The following SCML4 variants were observed in gnomAD, a reference collection of about 807,000 sequenced individuals.
SCML4 encodes the protein Scm polycomb group protein like 4, also known as sex comb on midleg-like protein 4.
SCML4 carries 34 observed loss-of-function variants against 41.1 expected under a neutral mutation model. The observed-to-expected ratio is 0.83, with a 90% CI of 0.63 to 1.10. SCML4 has a LOEUF of 1.10. Ranked by LOEUF, SCML4 falls within the 50% of genes least tolerant of loss-of-function variation. The pLI is 0.00. For missense variants in SCML4, 522 were observed against 534.1 expected, an observed-to-expected ratio of 0.98 and a Z score of 0.22; for synonymous variants, 214 against 220.9, an observed-to-expected ratio of 0.97 and a Z score of 0.28.
intron 1 of SCML4, among the ~76,000 whole-genome samples, chr6:107,775,782 T>C (rs1246270647): frequency 6.6e-6 from 1 of 152,184 alleles, no homozygotes; most frequent in Non-Finnish European, 1.5e-5. Context: ...GTTATTAAAA[T>C]GTGCTATAAA....
intron 1 of SCML4, among the ~76,000 whole-genome samples, chr6:107,781,222 A>C (rs1389571199): frequency 6.6e-6 from 1 of 152,188 alleles, no homozygotes; most frequent in African/African-American, 2.4e-5. Flanking sequence ...CAAAAATTAG[A>C]AACAAACCCA....
At position 107,809,788 on chromosome 6, in the gene SCML4, A is replaced by G. The variant is rs6932989; in HGVS notation, c.-60+14338T>C. On this transcript the variant is annotated intron_variant, in intron 1 of 7. Coordinates refer to ENST00000369020, the MANE Select transcript of SCML4 (RefSeq NM_198081.5). ...TAAAACAGTTGAAATTCAAAACCAG[A>G]ACGCAGGTAGCCTAGTCGAGGAAGC... Among the ~76,000 whole-genome samples the G allele has an allele frequency of 6.1e-3, 930 of 152,180 alleles. 7 individuals carry two copies. The highest frequency in any genetic ancestry group is 0.025 in the East Asian group (130 of 5,166).
intron 5 of SCML4, among the ~76,000 whole-genome samples, chr6:107,739,391 C>T (rs1350929393): frequency 6.6e-6 from 1 of 152,028 alleles, no homozygotes; most frequent in Non-Finnish European, 1.5e-5. Context: ...CTACCAAAAA[C>T]ATCCCAGTTC....
At chr6:107,729,829 G>T (rs921127155) in intron 5 of SCML4, among the ~76,000 whole-genome samples, 1 of 152,156 alleles carries the variant, frequency 6.6e-6, no homozygotes, top group Non-Finnish European at 1.5e-5. Flanking sequence ...ATCTCTTCAG[G>T]CAGGGTGTTG....
At chr6:107,720,265 A>C in intron 6 of SCML4, 1 of 706,264 alleles carries the variant, frequency 1.4e-6, no homozygotes, top group Non-Finnish European at 1.7e-6. Context: ...TTCAGATTGC[A>C]GGGAAGCACC....
intron 7 of SCML4, among the ~76,000 whole-genome samples, 174 bp from the exon 8 acceptor site, chr6:107,705,499 C>A (rs1443742547): frequency 6.6e-6 from 1 of 152,168 alleles, no homozygotes; most frequent in Non-Finnish European, 1.5e-5. Context: ...CAAACAAATA[C>A]TGTGTTCTCC....
At chr6:107,807,376 C>T (rs944893020) in intron 1 of SCML4, among the ~76,000 whole-genome samples, 1 of 152,136 alleles carries the variant, frequency 6.6e-6, no homozygotes, top group South Asian at 2.1e-4. Flanking sequence ...TCCCCCAGGT[C>T]CCTTCCTCTA....
At chr6:107,762,835 T>G (rs1030726990) in intron 2 of SCML4, among the ~76,000 whole-genome samples, 2 of 151,706 alleles carry the variant, frequency 1.3e-5, no homozygotes, top group African/African-American at 2.4e-5. Flanking sequence ...TTATCTAGTT[T>G]GTTGTGTTTT....
the SCML4 span, among the ~76,000 whole-genome samples, chr6:107,834,106 A>T: frequency 6.6e-6 from 1 of 152,238 alleles, no homozygotes; most frequent in Non-Finnish European, 1.5e-5. Flanking sequence ...GACCTGGCAG[A>T]CCGAAGAAAC....
chr6:107,707,892 G>A lies in SCML4; in HGVS notation c.1093C>T (p.Pro365Ser), dbSNP rs1318611811. ...TGCTTTCTGAAGAGCTCCACGTGAG[G>A]CCCCAGAGCCTGTGGGTCGGCGTCC... ...VKDADPQALG[P>S]HVELFRKHEI... Residue 365 changes from proline to serine, a missense_variant, in exon 7 of 8, where the codon CCT becomes TCT. Transcript: ENST00000369020. The A allele has an allele frequency of 6.4e-7, 1 of 1,551,686 alleles. No individual in the cohort carries two copies. Among genetic ancestry groups the A allele is most frequent in the Non-Finnish European group, 8.7e-7 (1 of 1,147,002 alleles).
At chr6:107,766,275 C>T (rs1473184060) in intron 2 of SCML4, among the ~76,000 whole-genome samples, 1 of 151,158 alleles carries the variant, frequency 6.6e-6, no homozygotes, top group African/African-American at 2.4e-5. Context: ...GAGGCTGAGG[C>T]AGAAGAATTG....
chr6:107,768,097 CAAAAA>C (rs766357180), intron 2 of SCML4, among the ~76,000 whole-genome samples: 1 of 45,654 alleles, frequency 2.2e-5, no homozygotes. Flanking sequence ...TTCATCTGTA[CAAAAA>C]AAAAAAAAAA....
chr6:107,821,641 T>C (rs1023204107), intron 1 of SCML4, among the ~76,000 whole-genome samples: 2 of 152,182 alleles, frequency 1.3e-5, no homozygotes, highest in African/African-American at 4.8e-5. Context: ...AGATGCTTGG[T>C]ATCCTAAGGC....
chr6:107,729,810 C>T (rs1776360296), intron 5 of SCML4, among the ~76,000 whole-genome samples: 1 of 152,192 alleles, frequency 6.6e-6, no homozygotes, highest in East Asian at 1.9e-4. Flanking sequence ...ATTGAGCTAG[C>T]CCCAACCTAT....
chr6:107,780,594 C>T (rs113046373), intron 1 of SCML4, among the ~76,000 whole-genome samples: 2 of 151,900 alleles, frequency 1.3e-5, no homozygotes, highest in Non-Finnish European at 2.9e-5. Flanking sequence ...GTGGTCCCAG[C>T]GACTTGGGAG....
chr6:107,827,251 C>A (rs906204858), upstream of SCML4, among the ~76,000 whole-genome samples: 6 of 138,408 alleles, frequency 4.3e-5, no homozygotes, highest in Admixed American at 2.1e-4. Flanking sequence ...AATATATTTA[C>A]ATTTTTATTT....
chr6:107,730,946 G>C lies in SCML4; in HGVS notation c.683-9953C>G, dbSNP rs7750283. Among the ~76,000 whole-genome samples the C allele has an allele frequency of 9.7e-3, 1,484 of 152,282 alleles. 28 individuals are homozygous for C. The highest frequency in any genetic ancestry group is 0.033 in the African/African-American group (1,378 of 41,540). ...TCCAGAGTGTGTGGATTCCTCCCTT[G>C]CTCCCTGATCCTTGCTGAAGCCTGG... On this transcript the variant is annotated intron_variant, in intron 5 of 7. Coordinates refer to ENST00000369020, the MANE Select transcript of SCML4 (RefSeq NM_198081.5).
chr6:107,799,348 G>A (rs1782936219), intron 1 of SCML4, among the ~76,000 whole-genome samples: 1 of 152,022 alleles, frequency 6.6e-6, no homozygotes, highest in South Asian at 2.1e-4. Flanking sequence ...TTGTCTTTAA[G>A]TCTACTTTGT....
At chr6:107,785,402 G>A (rs915829420) in intron 1 of SCML4, among the ~76,000 whole-genome samples, 6 of 152,194 alleles carry the variant, frequency 3.9e-5, no homozygotes, top group African/African-American at 9.7e-5. Context: ...AATCAGTTTC[G>A]TAGCCTGCAG....
Sources: allele counts gnomAD v4.1 joint callset (sites outside exome capture counted in the v4.1 genomes callset), GRCh38; gene constraint gnomAD v4.1.1; transcripts MANE v1.5; gene names NCBI Gene and HGNC (gene_info 2026-07-23, HGNC 2026-07-21).